The following ZNF469 variants were observed in gnomAD, a reference collection of about 807,000 sequenced individuals.
The protein encoded by ZNF469 is zinc finger protein 469.
ZNF469 carries 1 observed loss-of-function variant against 1.0 expected under a neutral mutation model. The ratio of observed to expected loss-of-function variants is 1.00; its 90% CI spans 0.35 to 4.73. The LOEUF (loss-of-function observed/expected upper bound fraction) is 4.73. ZNF469 is among the 30% of genes most tolerant of loss of function. The pLI, the probability that ZNF469 is intolerant of heterozygous loss-of-function variation, is 0.16. For synonymous variants in ZNF469, 2,703 were observed against 2,363.4 expected (o/e 1.14, Z -4.17); for missense variants, 6,100 against 5,356.3 (o/e 1.14, Z -4.33).
At chr16:88,124,739 C>G in the ZNF469 span, among the ~76,000 whole-genome samples, 2 of 152,102 alleles carry the variant, frequency 1.3e-5, no homozygotes, top group African/African-American at 4.8e-5. Context: ...CATGCACCAC[C>G]ACACCTGGCT....
At chr16:88,328,552 T>C in the ZNF469 span, among the ~76,000 whole-genome samples, 4 of 152,348 alleles carry the variant, frequency 2.6e-5, no homozygotes, top group Non-Finnish European at 4.4e-5. Context: ...GCTGATCCGA[T>C]GCACCTGGCC....
chr16:88,359,936 A>G, the ZNF469 span, among the ~76,000 whole-genome samples: 10 of 152,240 alleles, frequency 6.6e-5, no homozygotes, highest in Non-Finnish European at 1.3e-4. Context: ...AGTTGCAGAC[A>G]TTAATACACA....
chr16:88,402,595 C>T (rs1904912994), intron 1 of ZNF469, among the ~76,000 whole-genome samples: 1 of 152,184 alleles, frequency 6.6e-6, no homozygotes, highest in African/African-American at 2.4e-5. Flanking sequence ...ATGCTGGTTG[C>T]AGCTCAGACC....
chr16:88,422,824 G>A (rs1229749163), intron 1 of ZNF469, among the ~76,000 whole-genome samples: 7 of 148,120 alleles, frequency 4.7e-5, no homozygotes, highest in Non-Finnish European at 8.9e-5. Flanking sequence ...AGATGGGTGG[G>A]TGGGTGATGG....
the ZNF469 span, among the ~76,000 whole-genome samples, chr16:88,335,421 C>T: frequency 2.6e-5 from 4 of 152,232 alleles, no homozygotes; most frequent in Admixed American, 6.5e-5. Flanking sequence ...ACTTCCAGGG[C>T]GGCCTTACTT....
chr16:88,247,348 G>GTGAATGAGTGAGTGAA, the ZNF469 span, among the ~76,000 whole-genome samples: 4 of 134,542 alleles, frequency 3.0e-5, no homozygotes, highest in Non-Finnish European at 6.2e-5. Context: ...GAATGAGTGA[G>GTGAATGAGTGAGTGAA]TGAATGAGTG....
chr16:88,432,802 C>G lies in ZNF469; in HGVS notation c.5332C>G (p.Pro1778Ala). ...LPCEQRGGFL[P>A]EPGTADQPHR... Reference sequence around the variant, plus strand: ...CTGTGAACAGAGAGGAGGGTTCCTCCCAGAGCCCGGCACAGCAGACCAGCC... The same window carrying G: ...CTGTGAACAGAGAGGAGGGTTCCTCGCAGAGCCCGGCACAGCAGACCAGCC... The change falls in exon 3 of 3, where the codon CCA becomes GCA. Residue 1778 changes from proline (P) to alanine (A), a missense_variant. Coordinates refer to ENST00000565624, the MANE Select transcript of ZNF469 (RefSeq NM_001367624.2). 6.5e-7 allele frequency: 1 copy of G among 1,550,364 alleles called. No individual in the cohort carries two copies. Among genetic ancestry groups the G allele is most frequent in the Non-Finnish European group, 8.7e-7 (1 of 1,146,992 alleles).
At chr16:88,247,797 GTGAA>G in the ZNF469 span, among the ~76,000 whole-genome samples, 1 of 151,876 alleles carries the variant, frequency 6.6e-6, no homozygotes, top group Non-Finnish European at 1.5e-5. Context: ...GAGTAAATGA[GTGAA>G]TGAGTGAGTG....
At chr16:88,256,965 G>C in the ZNF469 span, among the ~76,000 whole-genome samples, 25,541 of 85,390 alleles carry the variant, frequency 0.3, 3,460 homozygotes, top group Middle Eastern at 0.47. Flanking sequence ...CTTTTCTTTC[G>C]TTGATGGAGT....
the ZNF469 span, among the ~76,000 whole-genome samples, chr16:88,314,673 G>A: frequency 6.6e-6 from 1 of 150,768 alleles, no homozygotes; most frequent in Non-Finnish European, 1.5e-5. Context: ...GGCTGTCTCT[G>A]TAATTACGAT....
chr16:88,286,757 G>A, the ZNF469 span, among the ~76,000 whole-genome samples: 2 of 152,222 alleles, frequency 1.3e-5, no homozygotes, highest in African/African-American at 2.4e-5. Context: ...CCAGTGCTGC[G>A]TGGCCCACAG....
the ZNF469 span, among the ~76,000 whole-genome samples, chr16:88,375,964 A>T: frequency 6.6e-6 from 1 of 152,234 alleles, no homozygotes; most frequent in Non-Finnish European, 1.5e-5. Context: ...GGAGAGGAAA[A>T]GCTCCCAGGG....
chr16:88,186,946 C>T, the ZNF469 span, among the ~76,000 whole-genome samples: 5 of 152,146 alleles, frequency 3.3e-5, 1 homozygote, highest in Middle Eastern at 0.014. Context: ...CTCAACACAC[C>T]CTGCCCCCCA....
At chr16:88,205,448 A>G in the ZNF469 span, among the ~76,000 whole-genome samples, 5 of 152,178 alleles carry the variant, frequency 3.3e-5, no homozygotes, top group African/African-American at 1.2e-4. This position sits in a 1 kb window ranked among gnomAD's most constrained non-coding sequence, Gnocchi z 4.2. Context: ...GTTTTTAAGG[A>G]TTCTAATCCT....
rs929995128 is a variant in ZNF469 at position 88,439,207 on chromosome 16, G to A, written c.11737G>A (p.Gly3913Ser). 43 of 1,550,140 alleles carry A rather than the reference G, an allele frequency of 2.8e-5. No homozygotes were observed. The highest frequency in any genetic ancestry group is 1.7e-4 in the Middle Eastern group (1 of 5,990). Residue 3913 changes from glycine to serine, a missense_variant, in exon 3 of 3, where the codon GGT (glycine) becomes AGT (serine). Transcript: ENST00000565624. ...CCCCAAGAGGGGCACAGCTGTCCAC[G>A]GTGCTGAACCTGCCGAGCCACACAC... ...RPPKRGTAVH[G>S]AEPAEPHTHR...
the ZNF469 span, among the ~76,000 whole-genome samples, chr16:88,137,353 C>T: frequency 1.3e-5 from 2 of 152,338 alleles, no homozygotes; most frequent in African/African-American, 4.8e-5. Context: ...CCGTCTGTAA[C>T]TGTAAACAGT....
chr16:88,247,809 G>A, the ZNF469 span, among the ~76,000 whole-genome samples: 1 of 152,210 alleles, frequency 6.6e-6, no homozygotes, highest in African/African-American at 2.4e-5. Flanking sequence ...GAATGAGTGA[G>A]TGAGTGAGTG....
chr16:88,384,208 A>G (rs754478623), intron 1 of ZNF469, among the ~76,000 whole-genome samples: 1 of 152,238 alleles, frequency 6.6e-6, no homozygotes, highest in Non-Finnish European at 1.5e-5. Context: ...ACTGATGGTC[A>G]GAGTGGGCTG....
At chr16:88,246,491 G>T in the ZNF469 span, among the ~76,000 whole-genome samples, 1 of 152,174 alleles carries the variant, frequency 6.6e-6, no homozygotes, top group South Asian at 2.1e-4. Context: ...GCATGGAGAC[G>T]GGTAGGAGGA....
Sources: allele counts gnomAD v4.1 joint callset (sites outside exome capture counted in the v4.1 genomes callset), GRCh38; gene constraint gnomAD v4.1.1; non-coding constraint Gnocchi (gnomAD v3.1); transcripts MANE v1.5; gene names NCBI Gene and HGNC (gene_info 2026-07-23, HGNC 2026-07-21).